Variants in LIN28A observed in about 807,000 individuals in gnomAD.
The protein encoded by LIN28A is lin-28 RNA binding posttranscriptional regulator A.
Under a neutral mutation model 21.1 loss-of-function variants are expected in LIN28A, and 11 were observed. That is an observed-to-expected ratio of 0.52 (90% CI 0.33 to 0.86). The LOEUF is 0.86. Among genes scored for constraint, LIN28A ranks in the 40% least tolerant of loss-of-function variants. The probability of loss-of-function intolerance (pLI) is 0.03; values close to 1 mark genes in which losing one functional copy is unlikely to be tolerated. For missense variants in LIN28A, 219 were observed against 279.8 expected (o/e 0.78, Z 1.55); for synonymous variants, 111 against 108.7 (o/e 1.02, Z -0.13).
chr1:26,425,005 A>T (rs1213334345), intron 2 of LIN28A, among the ~76,000 whole-genome samples: 2 of 152,262 alleles, frequency 1.3e-5, no homozygotes, highest in East Asian at 3.9e-4. Context: ...AGCCTCTCAA[A>T]GTGCTAGGAT....
chr1:26,410,986 G>A, intron 1 of LIN28A, 64 bp downstream of exon 1: 3 of 1,574,550 alleles, frequency 1.9e-6, no homozygotes, highest in South Asian at 2.3e-5. Context: ...CCACGTAGAA[G>A]GGAGGTGGGG....
At chr1:26,421,717 G>A (rs11247955) in intron 2 of LIN28A, among the ~76,000 whole-genome samples, 65,472 of 151,830 alleles carry the variant, frequency 0.43, 15,489 homozygotes, top group Non-Finnish European at 0.53. Context: ...TATATTCTCA[G>A]ATCTCTGTGA....
chr1:26,413,153 C>G (rs911107311), intron 2 of LIN28A, among the ~76,000 whole-genome samples: 2 of 152,094 alleles, frequency 1.3e-5, no homozygotes, highest in African/African-American at 4.8e-5. Flanking sequence ...GGTAGCAAGC[C>G]TCCCCCACTC....
At chr1:26,416,247 A>G (rs1425760729) in intron 2 of LIN28A, among the ~76,000 whole-genome samples, 6 of 151,850 alleles carry the variant, frequency 4.0e-5, no homozygotes, top group African/African-American at 1.5e-4. Context: ...CCTGCCTGGG[A>G]CTCCCAAAGT....
At chr1:26,420,907 T>A (rs559628808) in intron 2 of LIN28A, among the ~76,000 whole-genome samples, 2 of 152,310 alleles carry the variant, frequency 1.3e-5, no homozygotes, top group East Asian at 1.9e-4. Flanking sequence ...CCTCCGCTAA[T>A]GTCAAGTTGG....
Position 26,411,654 on chromosome 1 carries a change from C to A in LIN28A, c.228+72C>A. 1 of 1,503,630 alleles carries A rather than the reference C, an allele frequency of 6.7e-7. No individual in the cohort carries two copies. Among genetic ancestry groups the A allele is most frequent in the South Asian group, 1.2e-5 (1 of 84,816 alleles). The allele number at this position is 1,503,630 out of a possible 1,614,324, so 93.1% of individuals were successfully genotyped here. ...CCCATATCCACGGGTGGGCTCCGGG[C>A]TCGCAGTTGAATTGAGGGCCATCGG... is the stretch of plus-strand genomic sequence containing the variant. On this transcript the variant is annotated intron_variant, in intron 2 of 3. Coordinates refer to ENST00000326279, the MANE Select transcript of LIN28A (RefSeq NM_024674.6). The surrounding 1 kb of genome is among the most constrained non-coding windows in gnomAD (Gnocchi z 5.4).
intron 2 of LIN28A, among the ~76,000 whole-genome samples, chr1:26,416,032 G>A (rs192684482): frequency 8.3e-4 from 126 of 151,774 alleles, no homozygotes; most frequent in Non-Finnish European, 1.1e-3. Context: ...TTGCTCTGTC[G>A]CCCAGGCTGG....
chr1:26,420,300 T>G (rs752972736), intron 2 of LIN28A, among the ~76,000 whole-genome samples: 14 of 152,164 alleles, frequency 9.2e-5, no homozygotes, highest in South Asian at 2.1e-4. Context: ...GTGGTTACTG[T>G]GAAACAGCGA....
At chr1:26,421,278 C>A (rs1426516889) in intron 2 of LIN28A, among the ~76,000 whole-genome samples, 1 of 152,152 alleles carries the variant, frequency 6.6e-6, no homozygotes, top group African/African-American at 2.4e-5. Flanking sequence ...CAAAATGTGG[C>A]TGTGAACAAA....
At chr1:26,422,447 A>G (rs1161293394) in intron 2 of LIN28A, among the ~76,000 whole-genome samples, 2 of 150,596 alleles carry the variant, frequency 1.3e-5, no homozygotes, top group African/African-American at 2.4e-5. Context: ...TCAAGATCCA[A>G]TCTGGAATCT....
intron 3 of LIN28A, 110 bp downstream of exon 3, chr1:26,425,597 G>A (rs2075053994): frequency 1.9e-6 from 2 of 1,040,988 alleles, no homozygotes; most frequent in Admixed American, 2.5e-5. Context: ...TGTGGTCCCT[G>A]GCAGCATCTG....
chr1:26,411,571 T>C lies in LIN28A; in HGVS notation c.217T>C (p.Phe73Leu). The change falls in exon 2 of 4, where the codon TTT becomes CTT. Residue 73 changes from phenylalanine (F) to leucine (L), a missense_variant. By Grantham distance (22) the Phe-to-Leu change is conservative. Around this residue, in one of 3 missense-constraint regions of LIN28A, gnomAD observed 124 missense variants for 193.1 expected, o/e 0.64. Coordinates refer to ENST00000326279, the MANE Select transcript of LIN28A (RefSeq NM_024674.6). This position sits in a 1 kb window ranked among gnomAD's most constrained non-coding sequence, Gnocchi z 5.4. Reference protein sequence around the residue: ...GVALDPPVDVFVHQSKLHMEG... With the variant: ...GVALDPPVDVLVHQSKLHMEG... ...CGCGCTCGACCCCCCAGTGGATGTC[T>C]TTGTGCACCAGGTGAGACTGATTCC... 1.2e-6 allele frequency: 2 copies of C among 1,613,590 alleles called. No homozygotes were observed. Among genetic ancestry groups the C allele is most frequent in the Admixed American group, 1.7e-5 (1 of 59,768 alleles).
rs2075060217 is a variant in LIN28A at position 26,426,457 on chromosome 1, G to A, written c.629G>A (p.Ter210=). 1 of 1,611,996 alleles carries A rather than the reference G, an allele frequency of 6.2e-7. No individual in the cohort carries two copies. The highest frequency in any genetic ancestry group is 8.5e-7 in the Non-Finnish European group (1 of 1,178,176). Residue 210 remains the stop codon, a stop_retained_variant, in exon 4 of 4, where the codon TGA becomes TAA. Transcript: ENST00000326279. ...ACCCTGCTCCCGGAGGCACAGAATT[G>A]AGCCACAATGGGTGGGGGCTATTCT... ...SPTLLPEAQN[*]
chr1:26,414,610 A>G (rs2074982737), intron 2 of LIN28A, among the ~76,000 whole-genome samples: 1 of 152,228 alleles, frequency 6.6e-6, no homozygotes. Flanking sequence ...TTCCTTAGGT[A>G]CACATCTTTA....
In LIN28A at chr1:26,422,010, C is replaced by CTTT. The variant is rs35658483; in HGVS notation, c.229-3281_229-3279dup. Reference sequence around the variant, plus strand: ...ATTTCCCAAGAATGGGAATATTTATCTTTTTTTTTTTTTTCTGAGACAGGG... The same window carrying CTTT: ...ATTTCCCAAGAATGGGAATATTTATCTTTTTTTTTTTTTTTTTCTGAGACAGGG... On this transcript the variant is annotated intron_variant, in intron 2 of 3. Transcript: ENST00000326279. 3.7e-3 allele frequency among the ~76,000 whole-genome samples: 534 copies of CTTT among 142,860 alleles called. 9 individuals carry two copies. The highest frequency in any genetic ancestry group is 9.3e-3 in the African/African-American group (355 of 38,246). The allele number at this position is 142,860 out of a possible 152,430, so 93.7% of individuals were successfully genotyped here.
intron 2 of LIN28A, among the ~76,000 whole-genome samples, chr1:26,415,017 C>T (rs2074984748): frequency 6.6e-6 from 1 of 152,166 alleles, no homozygotes; most frequent in African/African-American, 2.4e-5. Context: ...TCCTGTGGCT[C>T]AATTTGCAAA....
intron 2 of LIN28A, among the ~76,000 whole-genome samples, chr1:26,416,839 G>A (rs2074996393): frequency 6.6e-6 from 1 of 151,820 alleles, no homozygotes; most frequent in African/African-American, 2.4e-5. Flanking sequence ...GGCTGGTCTC[G>A]AACTCCTGAC....
At chr1:26,423,425 T>C (rs1211265843) in intron 2 of LIN28A, among the ~76,000 whole-genome samples, 3 of 134,476 alleles carry the variant, frequency 2.2e-5, no homozygotes, top group African/African-American at 8.4e-5. Context: ...TTTTTTTTTT[T>C]TTTTTTTTTT....
rs1413313040 is a variant in LIN28A, at chr1:26,411,369, G to A, written c.32-17G>A. 2 of 1,559,588 alleles carry A rather than the reference G, an allele frequency of 1.3e-6. No individual in the cohort carries two copies. The highest frequency in any genetic ancestry group is 2.2e-4 in the Middle Eastern group (1 of 4,472). ...TCCGTGCCCCCCAGCTAAGTGCCCGGCCCTCCCTCTCTCCAGGTGGCTGCG... is the reference window on the plus strand; with the variant it reads ...TCCGTGCCCCCCAGCTAAGTGCCCGACCCTCCCTCTCTCCAGGTGGCTGCG... On this transcript the variant is annotated splice_polypyrimidine_tract_variant and intron_variant, in intron 1 of 3. Coordinates refer to ENST00000326279, the MANE Select transcript of LIN28A (RefSeq NM_024674.6). The surrounding 1 kb of genome is among the most constrained non-coding windows in gnomAD (Gnocchi z 5.4).
Sources: allele counts gnomAD v4.1 joint callset (sites outside exome capture counted in the v4.1 genomes callset), GRCh38; gene constraint gnomAD v4.1.1; regional missense constraint gnomAD v4.1.1; non-coding constraint Gnocchi (gnomAD v3.1); transcripts MANE v1.5; gene names NCBI Gene and HGNC (gene_info 2026-07-23, HGNC 2026-07-21).